Variants in FMN2 observed in about 807,000 individuals in gnomAD.
The protein encoded by FMN2 is formin-2.
Under a neutral mutation model 142.3 loss-of-function variants are expected in FMN2, and 51 were observed. The ratio of observed to expected loss-of-function variants is 0.36; its 90% CI spans 0.29 to 0.45. The LOEUF (loss-of-function observed/expected upper bound fraction) is 0.45. Among genes scored for constraint, FMN2 ranks in the 20% least tolerant of loss-of-function variants. The probability of loss-of-function intolerance (pLI) is 1.00; values close to 1 mark genes in which losing one functional copy is unlikely to be tolerated. For synonymous variants in FMN2, 882 were observed against 869.8 expected (o/e 1.01, Z -0.25); for missense variants, 1,936 against 2,122.8 (o/e 0.91, Z 1.73).
chr1:240,466,400 A>G (rs1244136965), intron 16 of FMN2, among the ~76,000 whole-genome samples: 1 of 152,212 alleles, frequency 6.6e-6, no homozygotes, highest in Non-Finnish European at 1.5e-5. Context: ...AGTTACATTT[A>G]CAACTTTATT....
chr1:240,359,941 T>C (rs1334606690), intron 14 of FMN2, among the ~76,000 whole-genome samples: 1 of 152,224 alleles, frequency 6.6e-6, no homozygotes, highest in South Asian at 2.1e-4. Context: ...ATGCACAGTA[T>C]AGCATACACT....
At chr1:240,424,953 A>G (rs1400785974) in intron 15 of FMN2, among the ~76,000 whole-genome samples, 1 of 152,196 alleles carries the variant, frequency 6.6e-6, no homozygotes, top group Non-Finnish European at 1.5e-5. Context: ...CTGTGTGCCA[A>G]GCATTGTTCA....
chr1:240,240,013 G>A (rs1182003446), intron 6 of FMN2, among the ~76,000 whole-genome samples: 3 of 152,120 alleles, frequency 2.0e-5, no homozygotes, highest in South Asian at 2.1e-4. Flanking sequence ...GGACCTTACC[G>A]TCTAAGGTTT....
At chr1:240,296,260 A>G (rs1246358559) in intron 8 of FMN2, among the ~76,000 whole-genome samples, 1 of 150,820 alleles carries the variant, frequency 6.6e-6, no homozygotes, top group East Asian at 1.9e-4. Context: ...GAGAATAACC[A>G]TAGCACGATA....
At chr1:240,317,305 T>TAAAAA (rs374121506) in intron 8 of FMN2, among the ~76,000 whole-genome samples, 1 of 146,454 alleles carries the variant, frequency 6.8e-6, no homozygotes, top group African/African-American at 2.7e-5. Context: ...AGACTCCATC[T>TAAAAA]AAAAAGAAAA....
chr1:240,423,065 T>C (rs2103146141), intron 15 of FMN2, among the ~76,000 whole-genome samples: 1 of 152,322 alleles, frequency 6.6e-6, no homozygotes, highest in East Asian at 1.9e-4. Flanking sequence ...GTTTATCCTC[T>C]TACCATTCTG....
At chr1:240,282,942 C>A (rs1176497173) in intron 7 of FMN2, among the ~76,000 whole-genome samples, 1 of 152,028 alleles carries the variant, frequency 6.6e-6, no homozygotes, top group African/African-American at 2.4e-5. Flanking sequence ...ATGTAACTGC[C>A]CAGGTGTGCA....
chr1:240,197,292 C>T (rs1665951658), intron 4 of FMN2, among the ~76,000 whole-genome samples: 1 of 152,202 alleles, frequency 6.6e-6, no homozygotes, highest in South Asian at 2.1e-4. Flanking sequence ...CTCCCCTTTT[C>T]CCAAGCCTCT....
chr1:240,137,680 C>T (rs1571969187), intron 2 of FMN2, among the ~76,000 whole-genome samples: 2 of 152,244 alleles, frequency 1.3e-5, no homozygotes, highest in East Asian at 3.9e-4. Flanking sequence ...GGTGAACAGA[C>T]ACGGTGGTAC....
chr1:240,378,249 C>T (rs1305125064), intron 14 of FMN2, among the ~76,000 whole-genome samples: 2 of 152,086 alleles, frequency 1.3e-5, no homozygotes, highest in East Asian at 3.9e-4. Context: ...CTCCCAAGAA[C>T]AAACGATTCT....
At chr1:240,140,688 C>A (rs1663145566) in intron 2 of FMN2, among the ~76,000 whole-genome samples, 1 of 152,122 alleles carries the variant, frequency 6.6e-6, no homozygotes, top group Non-Finnish European at 1.5e-5. Context: ...AAGTCTCTTC[C>A]ATTTTGCAGA....
chr1:240,110,364 G>A (rs1356958629), intron 1 of FMN2, among the ~76,000 whole-genome samples: 1 of 152,186 alleles, frequency 6.6e-6, no homozygotes, highest in African/African-American at 2.4e-5. Context: ...AGAGCTGACA[G>A]TAGATGCAGA....
intron 2 of FMN2, among the ~76,000 whole-genome samples, chr1:240,148,347 G>T (rs1279570174): frequency 9.6e-6 from 1 of 103,762 alleles, no homozygotes; most frequent in African/African-American, 3.2e-5. Context: ...GATAAAGAGA[G>T]AAAGACAGAG....
At chr1:240,189,983 C>T (rs534342003) in intron 4 of FMN2, among the ~76,000 whole-genome samples, 2 of 151,948 alleles carry the variant, frequency 1.3e-5, no homozygotes, top group African/African-American at 4.8e-5. Flanking sequence ...TTGTTACATA[C>T]GATAATGTCA....
intron 1 of FMN2, among the ~76,000 whole-genome samples, chr1:240,118,453 G>A (rs1193219030): frequency 1.3e-5 from 2 of 152,104 alleles, no homozygotes; most frequent in African/African-American, 4.8e-5. Context: ...CAGGTTGTTT[G>A]TGGTTAGCAG....
In FMN2 at chr1:240,175,496, A is replaced by G. The variant is rs151306383; in HGVS notation, c.1783-2425A>G. Among the ~76,000 whole-genome samples the G allele has an allele frequency of 3.9e-5, 6 of 152,134 alleles. No individual in the cohort carries two copies. The East Asian group carries it at 1.2e-3, about 29-fold the overall frequency. ...CAATCCTTGCCAGCACTTATGTTCT[A>G]TCTTGTTGTTGTTGTTTTGGATAGG... is the stretch of plus-strand genomic sequence containing the variant. On this transcript the variant is annotated intron_variant, in intron 2 of 17. Transcript: ENST00000319653.
intron 8 of FMN2, among the ~76,000 whole-genome samples, chr1:240,317,973 A>G (rs1023618667): frequency 6.6e-6 from 1 of 152,094 alleles, no homozygotes; most frequent in Admixed American, 6.5e-5. Flanking sequence ...TTTAATTTGC[A>G]TTTCCTTAAT....
intron 1 of FMN2, among the ~76,000 whole-genome samples, chr1:240,122,354 C>T (rs1662316196): frequency 6.6e-6 from 1 of 151,950 alleles, no homozygotes; most frequent in Non-Finnish European, 1.5e-5. Flanking sequence ...ACCTCCGCCA[C>T]CCAGCTTCAA....
At chr1:240,271,068 C>G (rs1668987301) in intron 7 of FMN2, among the ~76,000 whole-genome samples, 1 of 127,922 alleles carries the variant, frequency 7.8e-6, no homozygotes, top group Admixed American at 7.7e-5. Context: ...GCAAATAACC[C>G]TTTGACCCCC....
Sources: gnomAD v4.1 joint callset for allele counts (sites outside exome capture counted in the v4.1 genomes callset) on GRCh38, gnomAD v4.1.1 for gene constraint, MANE v1.5 for transcripts, NCBI Gene and HGNC (gene_info 2026-07-23, HGNC 2026-07-21) for gene names.